UVRAG: variants seen among roughly 807,000 people sequenced by gnomAD.
UVRAG encodes UV radiation resistance associated, also known as UV radiation resistance-associated gene protein.
Under a neutral mutation model 78.0 loss-of-function variants are expected in UVRAG, and 19 were observed. The ratio of observed to expected loss-of-function variants is 0.24; its 90% CI spans 0.17 to 0.36. The LOEUF is 0.36. Among genes scored for constraint, UVRAG ranks in the 10% least tolerant of loss-of-function variants. The pLI is 1.00. For synonymous variants in UVRAG, 323 were observed against 324.6 expected, an observed-to-expected ratio of 1.00 and a Z score of 0.05; for missense variants, 740 against 853.8, an observed-to-expected ratio of 0.87 and a Z score of 1.66.
chr11:75,868,947 T>C (rs935314942), intron 3 of UVRAG, among the ~76,000 whole-genome samples: 2 of 152,232 alleles, frequency 1.3e-5, no homozygotes, highest in African/African-American at 4.8e-5. Flanking sequence ...ATTTTTTAAA[T>C]GAAGAAGAGG....
At chr11:76,092,466 C>T (rs1007820746) in intron 13 of UVRAG, among the ~76,000 whole-genome samples, 103 of 152,260 alleles carry the variant, frequency 6.8e-4, no homozygotes, top group Non-Finnish European at 1.1e-3. Context: ...AGTGTAAAAG[C>T]ATTCCTATTT....
chr11:76,139,949 A>G (rs1041688317), intron 14 of UVRAG, among the ~76,000 whole-genome samples: 5 of 151,834 alleles, frequency 3.3e-5, no homozygotes, highest in African/African-American at 1.2e-4. Context: ...ATGTGTGGCT[A>G]GCCCCATCAA....
chr11:76,049,058 C>T (rs1591176077), intron 12 of UVRAG, among the ~76,000 whole-genome samples: 1 of 152,354 alleles, frequency 6.6e-6, no homozygotes, highest in Middle Eastern at 3.4e-3. Context: ...AAGCTCCCCA[C>T]CTGGCTCTCA....
Position 76,135,778 on chromosome 11 carries a change from A to G in UVRAG, c.1398-4933A>G, listed in dbSNP as rs1022937666. Among the ~76,000 whole-genome samples the G allele has an allele frequency of 3.3e-5, 5 of 152,288 alleles. No homozygotes were observed. In the East Asian group the frequency reaches 9.7e-4, roughly 29 times the overall value. On this transcript the variant is annotated intron_variant, in intron 14 of 14. Transcript: ENST00000356136. ...GACTCGGTCCAGTTGCTTGAACCTC[A>G]GGCTCTGCACCCGCAATTCTAGTGC...
Position 76,140,875 on chromosome 11 carries a change from C to T in UVRAG, c.1562C>T (p.Pro521Leu). ...NERLQYKTPP[P>L]SYNSALAQPV... ...AGACTTCAGTACAAAACCCCTCCTC[C>T]CAGTTACAACTCAGCATTAGCCCAG... The change falls in exon 15 of 15, where the codon CCC (proline) becomes CTC (leucine). Residue 521 changes from proline to leucine, a missense_variant. Physicochemically the swap from Pro to Leu is moderately conservative, Grantham distance 98. Coordinates refer to ENST00000356136, the MANE Select transcript of UVRAG (RefSeq NM_003369.4). The T allele has an allele frequency of 6.2e-7, 1 of 1,614,168 alleles. No homozygotes were observed. Among genetic ancestry groups the T allele is most frequent in the Non-Finnish European group, 8.5e-7 (1 of 1,180,040 alleles).
At chr11:76,055,732 C>T (rs534170517) in intron 12 of UVRAG, among the ~76,000 whole-genome samples, 18 of 151,186 alleles carry the variant, frequency 1.2e-4, no homozygotes, top group Non-Finnish European at 2.5e-4. Flanking sequence ...TTTTTTGAGA[C>T]GGAGTCTCAC....
intron 13 of UVRAG, among the ~76,000 whole-genome samples, chr11:76,079,843 A>G (rs537433638): frequency 1.3e-3 from 198 of 152,358 alleles, no homozygotes; most frequent in African/African-American, 4.6e-3. Context: ...AACTGAAAAT[A>G]GTTATCTGGG....
intron 2 of UVRAG, among the ~76,000 whole-genome samples, chr11:75,860,524 T>C (rs1565349853): frequency 6.6e-6 from 1 of 152,074 alleles, no homozygotes; most frequent in Non-Finnish European, 1.5e-5. Flanking sequence ...TTTTGAAAAA[T>C]GTATGGTGCG....
intron 3 of UVRAG, chr11:75,878,436 G>A (rs376670007): frequency 0.044 from 7,130 of 160,912 alleles, 230 homozygotes; most frequent in African/African-American, 0.1. Flanking sequence ...AGGCAGAGAC[G>A]CTCCTCACTT....
At chr11:76,112,276 C>T (rs1342943814) in intron 13 of UVRAG, among the ~76,000 whole-genome samples, 2 of 152,046 alleles carry the variant, frequency 1.3e-5, no homozygotes, top group African/African-American at 4.8e-5. Context: ...AGCTAAATGA[C>T]AGTAAAGAAA....
In UVRAG at chr11:76,113,940, A is replaced by G. The variant is rs139691005; in HGVS notation, c.1306-1984A>G. Among the ~76,000 whole-genome samples the G allele has an allele frequency of 8.0e-3, 1,215 of 152,336 alleles. 16 individuals are homozygous for G. The highest frequency in any genetic ancestry group is 0.028 in the African/African-American group (1,145 of 41,568). ...CACATTTTTCTTTTTTTTGGTTAAA[A>G]TCAGACTTGGAGAGAAATTTTCACT... On this transcript the variant is annotated intron_variant, in intron 13 of 14. Transcript: ENST00000356136.
intron 4 of UVRAG, 103 bp downstream of exon 4, chr11:75,880,143 A>G (rs1946904390): frequency 7.5e-7 from 1 of 1,337,682 alleles, no homozygotes; most frequent in Non-Finnish European, 1.0e-6. Flanking sequence ...ATAAAGAGAG[A>G]CTTTTATGAC....
intron 13 of UVRAG, among the ~76,000 whole-genome samples, chr11:76,096,502 G>C (rs1951787192): frequency 6.6e-6 from 1 of 152,130 alleles, no homozygotes; most frequent in South Asian, 2.1e-4. Flanking sequence ...AAATAACTTT[G>C]TTTAACAGAT....
chr11:76,022,693 G>A (rs1950267346), intron 12 of UVRAG, among the ~76,000 whole-genome samples: 1 of 152,000 alleles, frequency 6.6e-6, no homozygotes, highest in African/African-American at 2.4e-5. Flanking sequence ...GCATATAGTT[G>A]GAGCATGCCT....
chr11:75,816,645 A>G (rs1945268044), intron 1 of UVRAG, among the ~76,000 whole-genome samples: 1 of 152,230 alleles, frequency 6.6e-6, no homozygotes, highest in Non-Finnish European at 1.5e-5. Context: ...GCTGGGTTGC[A>G]GAATCCAGTG....
chr11:76,078,752 CAAAAAAAAAAAA>C (rs61700855), intron 13 of UVRAG, among the ~76,000 whole-genome samples: 73 of 37,202 alleles, frequency 2.0e-3, no homozygotes, highest in African/African-American at 3.0e-3. Flanking sequence ...ACTAAAAATA[CAAAAAAAAAAAA>C]AAAAAAAAAA....
chr11:75,885,615 A>G (rs753337041), intron 4 of UVRAG, among the ~76,000 whole-genome samples: 1 of 152,154 alleles, frequency 6.6e-6, no homozygotes, highest in Non-Finnish European at 1.5e-5. Context: ...TTTCGTAAAG[A>G]TATCAAAATA....
intron 14 of UVRAG, among the ~76,000 whole-genome samples, chr11:76,123,466 C>T (rs574929937): frequency 6.6e-6 from 1 of 152,140 alleles, no homozygotes; most frequent in South Asian, 2.1e-4. Flanking sequence ...GCATATTTGC[C>T]CGTAGTGTTT....
At chr11:75,828,754 CATATATATATATATATATAT>C (rs776673600) in intron 1 of UVRAG, among the ~76,000 whole-genome samples, 4 of 78,390 alleles carry the variant, frequency 5.1e-5, no homozygotes, top group African/African-American at 2.7e-4. Context: ...TATACACACA[CATATATATATATATATATAT>C]ACACACATAT....
Sources: allele counts gnomAD v4.1 joint callset (sites outside exome capture counted in the v4.1 genomes callset), GRCh38; gene constraint gnomAD v4.1.1; transcripts MANE v1.5; gene names NCBI Gene and HGNC (gene_info 2026-07-23, HGNC 2026-07-21).